Variants in ANKRD24 observed in about 807,000 individuals in gnomAD.
The protein encoded by ANKRD24 is ankyrin repeat domain-containing protein 24.
ANKRD24 carries 109 observed loss-of-function variants against 127.8 expected under a neutral mutation model. The ratio of observed to expected loss-of-function variants is 0.85; its 90% CI spans 0.73 to 1.00. The LOEUF is 1.00. Among genes scored for constraint, ANKRD24 ranks in the 50% least tolerant of loss-of-function variants. ANKRD24 has a pLI of 0.00. For synonymous variants in ANKRD24, 743 were observed against 671.1 expected (o/e 1.11, Z -1.66); for missense variants, 1,648 against 1,570.2 (o/e 1.05, Z -0.84).
At chr19:4,213,999 G>A (rs762245597) in intron 15 of ANKRD24, among the ~76,000 whole-genome samples, 2 of 152,080 alleles carry the variant, frequency 1.3e-5, no homozygotes, top group African/African-American at 2.4e-5. Flanking sequence ...CTCTATGCAC[G>A]TGGCGGAGCA....
Position 4,186,557 on chromosome 19 carries a change from C to A in ANKRD24, c.36+96C>A. The A allele has an allele frequency of 5.9e-6, 8 of 1,363,974 alleles. No homozygotes were observed. In the East Asian group the frequency reaches 1.8e-4, roughly 30 times the overall value. 84.5% of individuals were successfully genotyped at this position (1,363,974 alleles called of 1,614,324 possible). A position where few individuals can be genotyped will look rare whatever the true frequency, so the allele number is the denominator to read the frequency against. On this transcript the variant is annotated intron_variant, in intron 2 of 21. Transcript: ENST00000318934. ...AAGATCCACCCTTTCATTCCAGTAC[C>A]CACCTCTTCTCCTTTCCTCTCTGCT... is the stretch of plus-strand genomic sequence containing the variant.
At position 4,212,704 on chromosome 19, in the gene ANKRD24, A is replaced by G. The variant is rs748525185; in HGVS notation, c.1197+6A>G. ...GCCGGCTGTCCCTGCTGGAGGTAGGAGCAGTGATGAGTCAGGGCTGGGCTG... is the reference window on the plus strand; with the variant it reads ...GCCGGCTGTCCCTGCTGGAGGTAGGGGCAGTGATGAGTCAGGGCTGGGCTG... On this transcript the variant is annotated splice_donor_region_variant and intron_variant, in intron 15 of 21. Coordinates refer to ENST00000318934, the MANE Select transcript of ANKRD24 (RefSeq NM_001393985.1). The G allele has an allele frequency of 1.9e-6, 3 of 1,550,026 alleles. No homozygotes were observed. Among genetic ancestry groups the G allele is most frequent in the East Asian group, 2.4e-5 (1 of 40,902 alleles).
At chr19:4,213,223 T>C (rs571537144) in intron 15 of ANKRD24, among the ~76,000 whole-genome samples, 1 of 94,124 alleles carries the variant, frequency 1.1e-5, no homozygotes, top group Non-Finnish European at 2.2e-5. Context: ...CCCCTTCTCC[T>C]TCCTTCCTTC....
rs147620417 is a variant in ANKRD24 at position 4,196,474 on chromosome 19, C to G, written c.37-3209C>G. Among the ~76,000 whole-genome samples, 682 of 152,244 alleles carry G rather than the reference C, an allele frequency of 4.5e-3. 9 individuals are homozygous for G. Among genetic ancestry groups the G allele is most frequent in the African/African-American group, 0.015 (633 of 41,530 alleles). ...TACTGCAACCTCTGCCTCCAGGGTTCAAGCGATTCTCCTGCCTCACTTCCT... is the reference window on the plus strand; with the variant it reads ...TACTGCAACCTCTGCCTCCAGGGTTGAAGCGATTCTCCTGCCTCACTTCCT... On this transcript the variant is annotated intron_variant, in intron 2 of 21. Transcript: ENST00000318934.
Position 4,184,287 on chromosome 19 carries a change from G to A in ANKRD24, c.-37+1547G>A, listed in dbSNP as rs570527562. ...CAGTGGGCACTGTGGCCGGGAGCTC[G>A]GGGCACTGGAGCTGCAGGAGGTAGG... On this transcript the variant is annotated intron_variant, in intron 1 of 21. Transcript: ENST00000318934. Among the ~76,000 whole-genome samples, 17 of 152,292 alleles carry A rather than the reference G, an allele frequency of 1.1e-4. No individual in the cohort carries two copies. The East Asian group carries it at 2.7e-3, about 24-fold the overall frequency.
rs373392552 is a variant in ANKRD24 at position 4,186,384 on chromosome 19, C to T, written c.-36-6C>T. 3.8e-5 allele frequency: 59 copies of T among 1,568,502 alleles called. No individual in the cohort carries two copies. In the African/African-American group the frequency reaches 7.9e-4, roughly 21 times the overall value. ...CTCACCTTACCCCCACCCTTGCCCT[C>T]CTCAGGTGGCCTGTGGAGAGGAGAA... is the stretch of plus-strand genomic sequence containing the variant. On this transcript the variant is annotated splice_polypyrimidine_tract_variant and splice_region_variant and intron_variant, in intron 1 of 21. Coordinates refer to ENST00000318934, the MANE Select transcript of ANKRD24 (RefSeq NM_001393985.1).
rs954100709 is a variant in ANKRD24, at chr19:4,217,973, A to G, written c.2813A>G (p.Gln938Arg). 3 of 1,519,882 alleles carry G rather than the reference A, an allele frequency of 2.0e-6. No individual in the cohort carries two copies. The highest frequency in any genetic ancestry group is 2.9e-5 in the African/African-American group (2 of 69,934). 94.1% of individuals were successfully genotyped at this position (1,519,882 alleles called of 1,614,324 possible). A position where few individuals can be genotyped will look rare whatever the true frequency, so the allele number is the denominator to read the frequency against. Residue 938 changes from glutamine (Q) to arginine (R), a missense_variant, in exon 18 of 22, where the codon CAG becomes CGG. Physicochemically the swap from Gln to Arg is conservative, Grantham distance 43. Transcript: ENST00000318934. ...ELRGRAASLE[Q>R]EVVATGKEAA... ...CGGGGCCGGGCAGCCAGTCTGGAGC[A>G]GGAGGTGGTGGCCACGGGCAAGGAG...
chr19:4,200,055 C>G (rs200378118), intron 4 of ANKRD24, 28 bp from the exon 5 acceptor site: 2 of 1,569,850 alleles, frequency 1.3e-6, no homozygotes, highest in Non-Finnish European at 8.6e-7. Flanking sequence ...GGCAACCTTG[C>G]GGCTGAACCC....
At chr19:4,186,210 G>A in intron 1 of ANKRD24, 180 bp from the exon 2 acceptor site, 3 of 1,365,436 alleles carry the variant, frequency 2.2e-6, no homozygotes, top group African/African-American at 1.5e-5. Context: ...AACAGAGAGG[G>A]CAAGTAAACT....
chr19:4,203,038 TCC>T, intron 7 of ANKRD24, 112 bp downstream of exon 7: 2 of 816,242 alleles, frequency 2.5e-6, no homozygotes, highest in Non-Finnish European at 3.7e-6. Context: ...TCCTGTCTCC[TCC>T]TTTCTTTCTT....
At position 4,182,706 on chromosome 19, in the gene ANKRD24, T is replaced by G. The variant is rs1419072915; in HGVS notation, c.-71T>G. On this transcript the variant is annotated 5_prime_UTR_variant, in exon 1 of 22. Coordinates refer to ENST00000318934, the MANE Select transcript of ANKRD24 (RefSeq NM_001393985.1). ...CTGACGCCGCAGGCGACATGTTATC[T>G]GCTGTCAGAAGGAAGCCTGCCTCTT... The G allele has an allele frequency of 7.1e-7, 1 of 1,410,736 alleles. No individual in the cohort carries two copies. Among genetic ancestry groups the G allele is most frequent in the Non-Finnish European group, 9.3e-7 (1 of 1,080,676 alleles). 87.4% of individuals were successfully genotyped at this position (1,410,736 alleles called of 1,614,324 possible).
In ANKRD24 at chr19:4,217,491, C is replaced by G; in HGVS notation, c.2331C>G (p.Ser777Arg). The G allele has an allele frequency of 7.1e-7, 1 of 1,414,968 alleles. No individual in the cohort carries two copies. Among genetic ancestry groups the G allele is most frequent in the Non-Finnish European group, 9.2e-7 (1 of 1,089,780 alleles). 87.7% of individuals were successfully genotyped at this position (1,414,968 alleles called of 1,614,324 possible). A position where few individuals can be genotyped will look rare whatever the true frequency, so the allele number is the denominator to read the frequency against. ...GCGAGGCCGAGGGCAGCGGGGCCAG[C>G]GGGGGCGGTGGCGGTGACACCACAC... ...RVREAEGSGA[S>R]GGGGGDTTQL... Residue 777 changes from serine to arginine, a missense_variant, in exon 18 of 22, where the codon AGC (serine) becomes AGG (arginine). Physicochemically the swap from Ser to Arg is moderately radical, Grantham distance 110. Transcript: ENST00000318934.
intron 6 of ANKRD24, among the ~76,000 whole-genome samples, 183 bp from the exon 7 acceptor site, chr19:4,202,686 T>C (rs352513): frequency 1 from 151,911 of 152,294 alleles, 75,764 homozygotes; most frequent in Middle Eastern, 1. Context: ...CCTCAAATTC[T>C]CAGCTGCTTC....
intron 19 of ANKRD24, among the ~76,000 whole-genome samples, chr19:4,222,405 A>T (rs1005160586): frequency 6.6e-6 from 1 of 152,174 alleles, no homozygotes; most frequent in Non-Finnish European, 1.5e-5. Context: ...AAACAAACAA[A>T]AACAAAAAAA....
At chr19:4,208,666 TGG>T (rs1969528244) in intron 10 of ANKRD24, 96 bp from the exon 11 acceptor site, 3 of 1,208,558 alleles carry the variant, frequency 2.5e-6, no homozygotes, top group Non-Finnish European at 3.5e-6. Flanking sequence ...CCCTGATTCT[TGG>T]GGAAATCGGG....
chr19:4,200,016 G>A lies in ANKRD24; in HGVS notation c.254+11G>A, dbSNP rs45544832. 0.012 allele frequency: 19,235 copies of A among 1,562,636 alleles called. 620 individuals carry two copies. The highest frequency in any genetic ancestry group is 0.12 in the African/African-American group (8,790 of 73,794). ...CGAGGGCAAGTCCGCGTGAGTGCCC[G>A]CGACCCGGGAGTGAGATGGCTGAGG... On this transcript the variant is annotated intron_variant, in intron 4 of 21. Coordinates refer to ENST00000318934, the MANE Select transcript of ANKRD24 (RefSeq NM_001393985.1).
In ANKRD24 at chr19:4,194,522, C is replaced by G. The variant is rs565373114; in HGVS notation, c.37-5161C>G. On this transcript the variant is annotated intron_variant, in intron 2 of 21. Coordinates refer to ENST00000318934, the MANE Select transcript of ANKRD24 (RefSeq NM_001393985.1). ...ATTCTTATTTTGCTTTTCTCTCCCC[C>G]CTCCAACGACTCACACGTGTAAATA... is the stretch of plus-strand genomic sequence containing the variant. 8.7e-4 allele frequency among the ~76,000 whole-genome samples: 133 copies of G among 152,258 alleles called. 1 individual carries two copies. The highest frequency in any genetic ancestry group is 8.2e-4 in the Non-Finnish European group (56 of 68,020).
intron 2 of ANKRD24, among the ~76,000 whole-genome samples, chr19:4,187,556 A>G (rs1968140392): frequency 6.6e-6 from 1 of 151,930 alleles, no homozygotes; most frequent in Non-Finnish European, 1.5e-5. Context: ...TTGGCTATGA[A>G]CTCCTAGAAA....
intron 2 of ANKRD24, among the ~76,000 whole-genome samples, chr19:4,197,871 G>A (rs1319435599): frequency 2.6e-5 from 4 of 152,134 alleles, no homozygotes; most frequent in Non-Finnish European, 4.4e-5. Flanking sequence ...AGGAATGAAC[G>A]AGTGGGTGAA....
Sources: gnomAD v4.1 joint callset for allele counts (sites outside exome capture counted in the v4.1 genomes callset) on GRCh38, gnomAD v4.1.1 for gene constraint, MANE v1.5 for transcripts, NCBI Gene and HGNC (gene_info 2026-07-23, HGNC 2026-07-21) for gene names.